The following ZNF888 variants were observed in gnomAD, a reference collection of about 807,000 sequenced individuals.
ZNF888 encodes the protein CTD-2331H12.6.
Under a neutral mutation model 7.2 loss-of-function variants are expected in ZNF888, and 5 were observed. The observed-to-expected ratio is 0.70, with a 90% CI of 0.36 to 1.46. The LOEUF is 1.46. Among genes scored for constraint, ZNF888 ranks in the 40% most tolerant of loss-of-function variants. The pLI, the probability that ZNF888 is intolerant of heterozygous loss-of-function variation, is 0.03. For synonymous variants in ZNF888, 240 were observed against 284.3 expected (o/e 0.84, Z 1.57); for missense variants, 716 against 858.0 (o/e 0.83, Z 2.07).
In ZNF888 at chr19:52,906,979, T is replaced by C. The variant is rs1306119664; in HGVS notation, c.1343A>G (p.Asn448Ser). 14 of 1,611,910 alleles carry C rather than the reference T, an allele frequency of 8.7e-6. No individual in the cohort carries two copies. The East Asian group carries it at 2.0e-4, about 23-fold the overall frequency. ...ATGACGTGCAAGGTTTGATTGTTGA[T>C]TGAAAACCTTGCCACATTCATTACA... ...YKCNECGKVF[N>S]QQSNLARHHR... Residue 448 changes from asparagine (N) to serine (S), a missense_variant, in exon 5 of 5, where the codon AAT (asparagine) becomes AGT (serine). Physicochemically the swap from Asn to Ser is conservative, Grantham distance 46 (BLOSUM62 1). Transcript: ENST00000638862.
At position 52,907,530 on chromosome 19, in the gene ZNF888, G is replaced by A; in HGVS notation, c.792C>T (p.His264=). Residue 264 remains histidine, a synonymous_variant, in exon 5 of 5, where the codon CAC becomes CAT. Transcript: ENST00000638862. ...KRYLAHHRRC[H]TGEKPYMCNK... ...TACACATGTAAGGTTTCTCACCAGT[G>A]TGACATCTACGATGGTGTGCAAGGT... 2 of 1,609,184 alleles carry A rather than the reference G, an allele frequency of 1.2e-6. No homozygotes were observed. Among genetic ancestry groups the A allele is most frequent in the Non-Finnish European group, 1.7e-6 (2 of 1,178,038 alleles).
intron 4 of ZNF888, among the ~76,000 whole-genome samples, chr19:52,912,751 A>C (rs989015386): frequency 2.6e-5 from 4 of 151,782 alleles, no homozygotes; most frequent in Admixed American, 6.6e-5. Flanking sequence ...AAATAAATGA[A>C]AGAAGGCTAA....
chr19:52,912,972 C>T (rs746868191), intron 4 of ZNF888, among the ~76,000 whole-genome samples: 2 of 151,138 alleles, frequency 1.3e-5, no homozygotes, highest in African/African-American at 4.9e-5. Context: ...CCGGGTGTGG[C>T]GATGCATGCC....
chr19:52,921,017 T>C (rs1343943090), intron 1 of ZNF888, among the ~76,000 whole-genome samples: 3 of 147,790 alleles, frequency 2.0e-5, no homozygotes, highest in Admixed American at 6.8e-5. Context: ...CTGAGTAACG[T>C]GATAGAGACT....
intron 4 of ZNF888, among the ~76,000 whole-genome samples, chr19:52,911,601 G>A (rs1272745913): frequency 6.6e-6 from 1 of 152,046 alleles, no homozygotes; most frequent in Non-Finnish European, 1.5e-5. Context: ...GCCTCCCAAA[G>A]TGCTGGGATT....
chr19:52,912,428 T>C (rs1238297079), intron 4 of ZNF888, among the ~76,000 whole-genome samples: 1 of 151,282 alleles, frequency 6.6e-6, no homozygotes, highest in Non-Finnish European at 1.5e-5. Flanking sequence ...TAACATATTT[T>C]AAATACATTG....
chr19:52,921,744 A>AGT, intron 1 of ZNF888: 1 of 614,182 alleles, frequency 1.6e-6, no homozygotes, highest in Non-Finnish European at 2.0e-6. Context: ...CCTGACCTAC[A>AGT]TGGAGGAACC....
Position 52,906,794 on chromosome 19 carries a change from C to T in ZNF888, c.1528G>A (p.Ala510Thr). ...CCAGTGTGAATTACAGTATGTTGTG[C>T]CAGGTGTGAATCACGTCTGAAAGCC... is the stretch of plus-strand genomic sequence containing the variant. ...DKAFRRDSHL[A>T]QHTVIHTGEK... is the part of the protein sequence containing the mutation. Residue 510 changes from alanine to threonine, a missense_variant, in exon 5 of 5, where the codon GCA (alanine) becomes ACA (threonine). This residue lies in a region of ZNF888 where 697 missense variants were observed against 803.4 expected (regional missense o/e 0.87). Coordinates refer to ENST00000638862, the MANE Select transcript of ZNF888 (RefSeq NM_001393938.1). 1.1e-5 allele frequency: 17 copies of T among 1,611,326 alleles called. No homozygotes were observed. Among genetic ancestry groups the T allele is most frequent in the Non-Finnish European group, 1.4e-5 (17 of 1,178,032 alleles).
At position 52,905,824 on chromosome 19, in the gene ZNF888, A is replaced by C; in HGVS notation, c.*341T>G. ...TCAGACTGAAGACCTTGCCACACTGATGACATTTGTAAGATTTCTGTCCAG... is the reference window on the plus strand; with the variant it reads ...TCAGACTGAAGACCTTGCCACACTGCTGACATTTGTAAGATTTCTGTCCAG... On this transcript the variant is annotated 3_prime_UTR_variant, in exon 5 of 5. Transcript: ENST00000638862. 3 of 698,306 alleles carry C rather than the reference A, an allele frequency of 4.3e-6. No homozygotes were observed. The Admixed American group carries it at 5.5e-5, about 13-fold the overall frequency. 43.3% of individuals were successfully genotyped at this position (698,306 alleles called of 1,614,324 possible). A position where few individuals can be genotyped will look rare whatever the true frequency, so the allele number is the denominator to read the frequency against.
Position 52,909,850 on chromosome 19 carries a change from A to G in ZNF888, c.143-1671T>C, listed in dbSNP as rs1163128780. Among the ~76,000 whole-genome samples the G allele has an allele frequency of 3.9e-5, 6 of 152,098 alleles. No homozygotes were observed. In the South Asian group the frequency reaches 1.0e-3, roughly 26 times the overall value. ...CTAATATATGAGGTCAAGAAAATAC[A>G]CAGCATTATAAGGAATAAGAATTGA... On this transcript the variant is annotated intron_variant, in intron 4 of 4. Coordinates refer to ENST00000638862, the MANE Select transcript of ZNF888 (RefSeq NM_001393938.1).
chr19:52,911,894 G>A (rs544025470), intron 4 of ZNF888, among the ~76,000 whole-genome samples: 1 of 151,988 alleles, frequency 6.6e-6, no homozygotes, highest in East Asian at 1.9e-4. Context: ...TCAGCTCACT[G>A]CAAGCTCTGC....
chr19:52,914,349 C>G (rs2064719745), intron 4 of ZNF888: 5 of 984,870 alleles, frequency 5.1e-6, no homozygotes, highest in African/African-American at 1.7e-5. Flanking sequence ...TTTCACTTCA[C>G]TCTCCACAGT....
At chr19:52,919,968 C>T (rs1293367481) in intron 1 of ZNF888, among the ~76,000 whole-genome samples, 3 of 54,128 alleles carry the variant, frequency 5.5e-5, no homozygotes, top group East Asian at 3.2e-4. Context: ...CCCGGCCAGC[C>T]GCCCCGTCCG....
chr19:52,922,916 G>T (rs918081472), intron 1 of ZNF888, among the ~76,000 whole-genome samples: 3 of 34,888 alleles, frequency 8.6e-5, no homozygotes, highest in Non-Finnish European at 2.0e-4. Context: ...GAGGGAGGTG[G>T]GGGGGAGATG....
rs2064620393 is a variant in ZNF888 at position 52,907,180 on chromosome 19, G to C, written c.1142C>G (p.Pro381Arg). 6.2e-7 allele frequency: 1 copy of C among 1,612,746 alleles called. No homozygotes were observed. The highest frequency in any genetic ancestry group is 8.5e-7 in the Non-Finnish European group (1 of 1,179,658). ...CTTGTCACAAACCTTACATTTGTATGGTTTCTCACCAGTGTGAATTCTCCT... is the reference window on the plus strand; with the variant it reads ...CTTGTCACAAACCTTACATTTGTATCGTTTCTCACCAGTGTGAATTCTCCT... The part of the protein sequence containing the change: ...RHRRIHTGEK[P>R]YKCKVCDKAF... Residue 381 changes from proline (P) to arginine (R), a missense_variant, in exon 5 of 5, where the codon CCA becomes CGA. By Grantham distance (103) the Pro-to-Arg change is moderately radical. Around this residue, in one of 2 missense-constraint regions of ZNF888, gnomAD observed 697 missense variants for 803.4 expected, o/e 0.87. Transcript: ENST00000638862.
intron 3 of ZNF888, 145 bp from the exon 4 acceptor site, chr19:52,915,467 G>A (rs2064734936): frequency 1.3e-6 from 2 of 1,571,090 alleles, no homozygotes; most frequent in Admixed American, 1.8e-5. Context: ...ACCACATGAT[G>A]TATTTTTTTT....
chr19:52,918,127 C>T lies in ZNF888; in HGVS notation c.-58-196G>A, dbSNP rs145203210. On this transcript the variant is annotated intron_variant, in intron 2 of 4. Transcript: ENST00000638862. ...CTCCCCTTCTGGAGAAGCCCACACACACGCTGCAGCAGTAGGGATCTGGGC... is the reference window on the plus strand; with the variant it reads ...CTCCCCTTCTGGAGAAGCCCACACATACGCTGCAGCAGTAGGGATCTGGGC... 1.3e-3 allele frequency: 1,869 copies of T among 1,387,034 alleles called. 19 individuals are homozygous for T. The African/African-American group carries it at 0.025, about 18-fold the overall frequency. 85.9% of individuals were successfully genotyped at this position (1,387,034 alleles called of 1,614,324 possible). A position where few individuals can be genotyped will look rare whatever the true frequency, so the allele number is the denominator to read the frequency against.
At chr19:52,915,902 T>G (rs1356148719) in intron 3 of ZNF888, among the ~76,000 whole-genome samples, 1 of 152,296 alleles carries the variant, frequency 6.6e-6, no homozygotes, top group African/African-American at 2.4e-5. Context: ...TAGAAATGTT[T>G]GAAACTTTTA....
At position 52,920,532 on chromosome 19, in the gene ZNF888, GGAAAA is replaced by G. The variant is rs2064814571; in HGVS notation, c.-177-1600_-177-1596del. Among the ~76,000 whole-genome samples, 10 of 16,484 alleles carry G rather than the reference GGAAAA, an allele frequency of 6.1e-4. 5 individuals are homozygous for G. Among genetic ancestry groups the G allele is most frequent in the East Asian group, 3.0e-3 (4 of 1,352 alleles). 10.8% of individuals were successfully genotyped at this position (16,484 alleles called of 152,430 possible). The stretch of plus-strand genomic sequence containing the variant: ...AAAAAAAAAAGAAAAAAAAAGAAAA[GGAAAA>G]AAAAAAAAAAAAGGAATTATTTGTC... On this transcript the variant is annotated intron_variant, in intron 1 of 4. Coordinates refer to ENST00000638862, the MANE Select transcript of ZNF888 (RefSeq NM_001393938.1).
Sources: gnomAD v4.1 joint callset for allele counts (sites outside exome capture counted in the v4.1 genomes callset) on GRCh38, gnomAD v4.1.1 for gene constraint, gnomAD v4.1.1 regional missense constraint, MANE v1.5 for transcripts, NCBI Gene and HGNC (gene_info 2026-07-23, HGNC 2026-07-21) for gene names.